UBE2R2: variants seen among roughly 807,000 people sequenced by gnomAD.
UBE2R2 encodes ubiquitin-conjugating enzyme E2 R2.
Under a neutral mutation model 27.8 loss-of-function variants are expected in UBE2R2, and 1 was observed. The observed-to-expected ratio is 0.04, with a 90% CI of 0.01 to 0.17. UBE2R2 has a LOEUF of 0.17. Ranked by LOEUF, UBE2R2 falls within the 10% of genes least tolerant of loss-of-function variation. UBE2R2 has a pLI of 1.00. For synonymous variants in UBE2R2, 106 were observed against 113.3 expected (o/e 0.94, Z 0.41); for missense variants, 100 against 291.0 (o/e 0.34, Z 4.78).
chr9:33,906,704 C>T (rs1023875504), intron 3 of UBE2R2, among the ~76,000 whole-genome samples: 3 of 152,118 alleles, frequency 2.0e-5, no homozygotes, highest in Admixed American at 1.3e-4. Context: ...TGGAGTATTA[C>T]GCATTGGGTC....
At chr9:33,887,115 G>A in intron 2 of UBE2R2, 148 bp downstream of exon 2, 1 of 649,858 alleles carries the variant, frequency 1.5e-6, no homozygotes, top group Non-Finnish European at 2.6e-6. Context: ...AACAGTTTCT[G>A]GATTAATTAT....
intron 1 of UBE2R2, among the ~76,000 whole-genome samples, chr9:33,884,197 A>ACTCTCTCTCTCTCTCTCTCT (rs1267784081): frequency 2.5e-5 from 1 of 39,652 alleles, no homozygotes; most frequent in Non-Finnish European, 6.0e-5. Context: ...ACAACTTAAG[A>ACTCTCTCTCTCTCTCTCTCT]ATCTCTCTCT....
chr9:33,840,682 C>G (rs1820713939), intron 1 of UBE2R2, among the ~76,000 whole-genome samples: 1 of 151,890 alleles, frequency 6.6e-6, no homozygotes, highest in African/African-American at 2.4e-5. Context: ...GTGCCCAGAT[C>G]CATTAATTTA....
rs1487985072 is a variant in UBE2R2 at position 33,905,452 on chromosome 9, TGGGGTCCCACTGCCCTCAAC to T, written c.362+5182_362+5201del. ...TATTTGCTTCCTTGGTTTTTGTGCATGGGGTCCCACTGCCCTCAACCTGCCAATTCCATTCTCTGCAGATG... is the reference window on the plus strand; with the variant it reads ...TATTTGCTTCCTTGGTTTTTGTGCATCTGCCAATTCCATTCTCTGCAGATG... On this transcript the variant is annotated intron_variant, in intron 3 of 4. Transcript: ENST00000263228. 1.4e-4 allele frequency among the ~76,000 whole-genome samples: 22 copies of T among 152,180 alleles called. 1 individual carries two copies. The highest frequency in any genetic ancestry group is 2.4e-4 in the Non-Finnish European group (16 of 68,012).
At chr9:33,834,925 CAAAAG>C (rs893258054) in intron 1 of UBE2R2, among the ~76,000 whole-genome samples, 1,685 of 92,252 alleles carry the variant, frequency 0.018, 36 homozygotes, top group African/African-American at 0.088. Flanking sequence ...AAAAAAAAAA[CAAAAG>C]AAAAGAAAAG....
intron 1 of UBE2R2, among the ~76,000 whole-genome samples, chr9:33,857,935 T>C (rs1364269990): frequency 2.0e-5 from 3 of 152,228 alleles, no homozygotes; most frequent in African/African-American, 7.2e-5. Flanking sequence ...TAAAGCCCTA[T>C]GGGAATATGT....
rs554068510 is a variant in UBE2R2 at position 33,920,192 on chromosome 9, T to C, written c.*2955T>C. The stretch of plus-strand genomic sequence containing the variant: ...TACAACTAAAAGGATTCAGATGCAA[T>C]TTTCAACTATTCTGAAACCAGCAGG... On this transcript the variant is annotated 3_prime_UTR_variant, in exon 5 of 5. Transcript: ENST00000263228. The C allele has an allele frequency of 9.8e-5, 15 of 152,760 alleles. No individual in the cohort carries two copies. Among genetic ancestry groups the C allele is most frequent in the African/African-American group, 3.4e-4 (14 of 41,586 alleles). The allele number at this position is 152,760 out of a possible 1,614,324, so 9.5% of individuals were successfully genotyped here.
chr9:33,893,825 T>C (rs1029149874), intron 2 of UBE2R2, among the ~76,000 whole-genome samples: 1 of 152,130 alleles, frequency 6.6e-6, no homozygotes, highest in Non-Finnish European at 1.5e-5. Context: ...AGAGACGGGA[T>C]TTTGCCATGT....
chr9:33,841,299 C>T (rs1024481630), intron 1 of UBE2R2, among the ~76,000 whole-genome samples: 3 of 152,104 alleles, frequency 2.0e-5, no homozygotes, highest in African/African-American at 7.2e-5. Flanking sequence ...AGGCTGGTCT[C>T]GAACTCCTGA....
At chr9:33,877,687 C>G (rs893748328) in intron 1 of UBE2R2, among the ~76,000 whole-genome samples, 10 of 152,142 alleles carry the variant, frequency 6.6e-5, no homozygotes, top group African/African-American at 2.4e-4. Flanking sequence ...ATTAATCTTT[C>G]CAGTTGTCTT....
intron 1 of UBE2R2, among the ~76,000 whole-genome samples, chr9:33,873,972 G>T (rs1821547625): frequency 6.9e-6 from 1 of 145,598 alleles, no homozygotes; most frequent in African/African-American, 2.6e-5. Flanking sequence ...TTTTTGGATG[G>T]AATTTCGTTC....
chr9:33,871,615 A>T (rs932158194), intron 1 of UBE2R2, among the ~76,000 whole-genome samples: 2 of 152,228 alleles, frequency 1.3e-5, no homozygotes, highest in Non-Finnish European at 2.9e-5. Context: ...CGTATTAGTC[A>T]AAAAAGATGT....
In UBE2R2 at chr9:33,817,323, C is replaced by G. The variant is rs527325582; in HGVS notation, c.-435C>G. On this transcript the variant is annotated 5_prime_UTR_variant, in exon 1 of 5. Coordinates refer to ENST00000263228, the MANE Select transcript of UBE2R2 (RefSeq NM_017811.4). Reference sequence around the variant, plus strand: ...CCCGCGCGCCCTCCGGCCCCTGCGGCCCCCGAAGAGAACGAGAGGGCGAGC... The same window carrying G: ...CCCGCGCGCCCTCCGGCCCCTGCGGGCCCCGAAGAGAACGAGAGGGCGAGC... Among the ~76,000 whole-genome samples, 651 of 149,748 alleles carry G rather than the reference C, an allele frequency of 4.3e-3. 2 individuals carry two copies. Among genetic ancestry groups the G allele is most frequent in the Non-Finnish European group, 7.4e-3 (494 of 66,966 alleles).
At chr9:33,878,533 G>A (rs567196714) in intron 1 of UBE2R2, among the ~76,000 whole-genome samples, 36 of 152,138 alleles carry the variant, frequency 2.4e-4, no homozygotes, top group African/African-American at 8.0e-4. Flanking sequence ...TGGGAGGATC[G>A]CTTGAATCTC....
intron 3 of UBE2R2, among the ~76,000 whole-genome samples, chr9:33,905,728 G>C (rs918459491): frequency 6.6e-6 from 1 of 152,128 alleles, no homozygotes; most frequent in Non-Finnish European, 1.5e-5. Context: ...TCTTTGTCAT[G>C]ATGTCCTCTT....
chr9:33,913,047 A>AGGC (rs1822529652), intron 4 of UBE2R2, among the ~76,000 whole-genome samples: 1 of 147,160 alleles, frequency 6.8e-6, no homozygotes, highest in Admixed American at 6.8e-5. Flanking sequence ...TGCAGCCTCT[A>AGGC]TCTCCTGGGT....
chr9:33,819,228 G>T (rs1825916313), intron 1 of UBE2R2, among the ~76,000 whole-genome samples: 1 of 152,166 alleles, frequency 6.6e-6, no homozygotes, highest in Non-Finnish European at 1.5e-5. Flanking sequence ...TAGTTGTGAT[G>T]TGTATTTTTA....
intron 1 of UBE2R2, among the ~76,000 whole-genome samples, chr9:33,832,366 A>C (rs115129516): frequency 1.3e-5 from 2 of 149,634 alleles, no homozygotes; most frequent in Non-Finnish European, 3.0e-5. Context: ...ACTTTAATCA[A>C]ATTTTTTCGG....
rs971697688 is a variant in UBE2R2, at chr9:33,917,463, A to G, written c.*226A>G. ...GAATGTCTGAATTCTTGCATTCTTT[A>G]CCCTTCCATCACTATATTGATTCTT... On this transcript the variant is annotated 3_prime_UTR_variant, in exon 5 of 5. Transcript: ENST00000263228. 8 of 631,470 alleles carry G rather than the reference A, an allele frequency of 1.3e-5. No individual in the cohort carries two copies. In the African/African-American group the frequency reaches 1.5e-4, roughly 12 times the overall value. 39.1% of individuals were successfully genotyped at this position (631,470 alleles called of 1,614,324 possible).
Sources: allele counts gnomAD v4.1 joint callset (sites outside exome capture counted in the v4.1 genomes callset), GRCh38; gene constraint gnomAD v4.1.1; transcripts MANE v1.5; gene names NCBI Gene and HGNC (gene_info 2026-07-23, HGNC 2026-07-21).